Variants in LRP8 observed in about 807,000 individuals in gnomAD.
LRP8 encodes LDL receptor related protein 8, also known as low-density lipoprotein receptor-related protein 8.
In LRP8, 46 loss-of-function variants were observed where a neutral mutation model predicts 111.6. The ratio of observed to expected loss-of-function variants is 0.41; its 90% CI spans 0.33 to 0.53. The LOEUF (loss-of-function observed/expected upper bound fraction) is 0.53. Among genes scored for constraint, LRP8 ranks in the 20% least tolerant of loss-of-function variants. LRP8 has a pLI of 0.20. For synonymous variants in LRP8, 464 were observed against 511.2 expected (o/e 0.91, Z 1.24); for missense variants, 959 against 1,297.4 (o/e 0.74, Z 4.01).
chr1:53,324,776 G>A (rs1474187430), intron 2 of LRP8, among the ~76,000 whole-genome samples: 1 of 152,106 alleles, frequency 6.6e-6, no homozygotes, highest in Non-Finnish European at 1.5e-5. Context: ...AACGCACCAG[G>A]CCTAACATTT....
chr1:53,324,173 C>T (rs1320353906), intron 2 of LRP8, among the ~76,000 whole-genome samples: 1 of 152,200 alleles, frequency 6.6e-6, no homozygotes, highest in Non-Finnish European at 1.5e-5. Context: ...GTTATCCCAG[C>T]ACCTATCACC....
intron 2 of LRP8, among the ~76,000 whole-genome samples, chr1:53,292,365 G>A (rs1362084456): frequency 6.6e-6 from 1 of 152,184 alleles, no homozygotes; most frequent in Non-Finnish European, 1.5e-5. Context: ...AAAGGGGCTG[G>A]CTGAGGGAAA....
At chr1:53,248,417 A>C (rs1645792658) in intron 18 of LRP8, among the ~76,000 whole-genome samples, 1 of 152,192 alleles carries the variant, frequency 6.6e-6, no homozygotes, top group South Asian at 2.1e-4. Context: ...CAGAGGAGAG[A>C]CAGGTTGTTG....
chr1:53,316,676 G>C (rs1343223095), intron 2 of LRP8, among the ~76,000 whole-genome samples: 1 of 152,248 alleles, frequency 6.6e-6, no homozygotes, highest in Non-Finnish European at 1.5e-5. Context: ...CACAGAATGG[G>C]ATTGAGAGGG....
intron 2 of LRP8, among the ~76,000 whole-genome samples, chr1:53,326,275 C>A (rs1015539410): frequency 9.2e-5 from 14 of 152,248 alleles, no homozygotes; most frequent in Non-Finnish European, 1.8e-4. Context: ...GGGGGTGTGG[C>A]CGGGGCGGGG....
Position 53,271,157 on chromosome 1 carries a change from T to C in LRP8, c.1127-4A>G, listed in dbSNP as rs769632423. The C allele has an allele frequency of 4.1e-5, 66 of 1,613,642 alleles. No homozygotes were observed. The highest frequency in any genetic ancestry group is 5.5e-5 in the Non-Finnish European group (65 of 1,179,958). On this transcript the variant is annotated splice_region_variant and splice_polypyrimidine_tract_variant and intron_variant, in intron 7 of 18. Transcript: ENST00000306052. ...GGGTCCTTGCACTCATCAATGTCTG[T>C]GGGGAGGAGCAGGAGTCAGAACCAG...
chr1:53,295,008 G>T (rs1388218626), intron 2 of LRP8, among the ~76,000 whole-genome samples: 4 of 152,188 alleles, frequency 2.6e-5, no homozygotes, highest in Non-Finnish European at 5.9e-5. Flanking sequence ...GGCCCCCTAC[G>T]TGGGTCTCCC....
At chr1:53,281,079 T>G (rs188780308) in intron 3 of LRP8, among the ~76,000 whole-genome samples, 90 of 152,296 alleles carry the variant, frequency 5.9e-4, no homozygotes, top group African/African-American at 2.1e-3. Flanking sequence ...TCTCTGCCAT[T>G]TCCCAGCTGT....
chr1:53,260,894 A>G (rs1646309737), intron 12 of LRP8, among the ~76,000 whole-genome samples: 1 of 152,174 alleles, frequency 6.6e-6, no homozygotes, highest in Non-Finnish European at 1.5e-5. Flanking sequence ...CAGAAACCCA[A>G]GGTTAAATCT....
intron 8 of LRP8, among the ~76,000 whole-genome samples, chr1:53,269,372 G>A (rs74421537): frequency 1.7e-3 from 253 of 152,036 alleles, no homozygotes; most frequent in African/African-American, 5.8e-3. Context: ...CTGGAGTGCA[G>A]TGGCATCATA....
rs769634246 is a variant in LRP8 at position 53,249,847 on chromosome 1, T to C, written c.2677-291A>G. On this transcript the variant is annotated intron_variant, in intron 17 of 18. Transcript: ENST00000306052. The surrounding 1 kb of genome is among the most constrained non-coding windows in gnomAD (Gnocchi z 4.1). Reference sequence around the variant, plus strand: ...ACAGAATTAATAGCTCCCTTGTTGATGTTTCCATGGCATCTGTTCAACAAA... The same window carrying C: ...ACAGAATTAATAGCTCCCTTGTTGACGTTTCCATGGCATCTGTTCAACAAA... Among the ~76,000 whole-genome samples the C allele has an allele frequency of 2.0e-5, 3 of 152,228 alleles. No homozygotes were observed. Among genetic ancestry groups the C allele is most frequent in the Non-Finnish European group, 2.9e-5 (2 of 68,034 alleles).
At position 53,246,817 on chromosome 1, in the gene LRP8, A is replaced by G. The variant is rs1645740484; in HGVS notation, c.*201T>C. The G allele has an allele frequency of 1.7e-6, 1 of 572,378 alleles. No individual in the cohort carries two copies. Among genetic ancestry groups the G allele is most frequent in the Non-Finnish European group, 3.0e-6 (1 of 328,820 alleles). 35.5% of individuals were successfully genotyped at this position (572,378 alleles called of 1,614,324 possible). A position where few individuals can be genotyped will look rare whatever the true frequency, so the allele number is the denominator to read the frequency against. On this transcript the variant is annotated 3_prime_UTR_variant, in exon 19 of 19. Coordinates refer to ENST00000306052, the MANE Select transcript of LRP8 (RefSeq NM_004631.5). ...GTGTATAAAACATTATACATAGAAA[A>G]ACTCTCACATCCTTTGGATGTTTGC... is the stretch of plus-strand genomic sequence containing the variant.
chr1:53,269,222 G>T (rs530369553), intron 8 of LRP8, among the ~76,000 whole-genome samples: 6 of 152,098 alleles, frequency 3.9e-5, no homozygotes, highest in Non-Finnish European at 7.4e-5. Context: ...GGGCTTTTGC[G>T]GTTTCTGTCT....
chr1:53,257,448 T>A lies in LRP8; in HGVS notation c.2226A>T (p.Ser742=). Reference sequence around the variant, plus strand: ...TCATGGTAGAAGCTAACGTCGTAGTTGAGGTAGATTGAGGTGCTGGAGGGG... The same window carrying A: ...TCATGGTAGAAGCTAACGTCGTAGTAGAGGTAGATTGAGGTGCTGGAGGGG... ...KRCYRAPQST[S]TTTLASTMTR... Residue 742 remains serine (S), a synonymous_variant, in exon 15 of 19, where the codon TCA becomes TCT. Coordinates refer to ENST00000306052, the MANE Select transcript of LRP8 (RefSeq NM_004631.5). 6.2e-7 allele frequency: 1 copy of A among 1,613,974 alleles called. No homozygotes were observed. Among genetic ancestry groups the A allele is most frequent in the Non-Finnish European group, 8.5e-7 (1 of 1,179,884 alleles).
intron 9 of LRP8, among the ~76,000 whole-genome samples, chr1:53,265,475 A>G (rs932218310): frequency 3.9e-5 from 6 of 152,150 alleles, no homozygotes; most frequent in Non-Finnish European, 7.4e-5. Flanking sequence ...CAGCACCACC[A>G]TTCATGAAAC....
rs1645819798 is a variant in LRP8, at chr1:53,249,242, A to G, written c.2853+138T>C. 2.3e-6 allele frequency: 2 copies of G among 879,414 alleles called. No homozygotes were observed. The highest frequency in any genetic ancestry group is 3.5e-5 in the South Asian group (2 of 56,488). 54.5% of individuals were successfully genotyped at this position (879,414 alleles called of 1,614,324 possible). A position where few individuals can be genotyped will look rare whatever the true frequency, so the allele number is the denominator to read the frequency against. On this transcript the variant is annotated intron_variant, in intron 18 of 18. Transcript: ENST00000306052. This position sits in a 1 kb window ranked among gnomAD's most constrained non-coding sequence, Gnocchi z 4.1. Reference sequence around the variant, plus strand: ...CCATTCATTGGTCTGTGACTAACCCATTTTTCTTCTTTGCCCCAACACCCA... The same window carrying G: ...CCATTCATTGGTCTGTGACTAACCCGTTTTTCTTCTTTGCCCCAACACCCA...
rs542737394 is a variant in LRP8, at chr1:53,262,194, C to T, written c.1788G>A (p.Gln596=). The T allele has an allele frequency of 4.7e-5, 76 of 1,613,420 alleles. 1 individual carries two copies. Among genetic ancestry groups the T allele is most frequent in the Non-Finnish European group, 5.8e-5 (68 of 1,179,982 alleles). Residue 596 remains glutamine (Q), a synonymous_variant, in exon 12 of 19, where the codon CAG becomes CAA. Coordinates refer to ENST00000306052, the MANE Select transcript of LRP8 (RefSeq NM_004631.5). This position sits in a 1 kb window ranked among gnomAD's most constrained non-coding sequence, Gnocchi z 4.8. ...PNGITLDLLS[Q]RLYWVDSKLH... Reference sequence around the variant, plus strand: ...GCTTGGAGTCTACCCAGTACAAGCGCTGGCTCAGCAGATCTTGGGAAGGAA... The same window carrying T: ...GCTTGGAGTCTACCCAGTACAAGCGTTGGCTCAGCAGATCTTGGGAAGGAA...
At position 53,279,297 on chromosome 1, in the gene LRP8, T is replaced by A. The variant is rs1028169075; in HGVS notation, c.496+1290A>T. ...TATAGCATAGAAGCCCAGTAAGACC[T>A]TCTGACACCTCTCTCTCCCATAATT... On this transcript the variant is annotated intron_variant, in intron 4 of 18. Transcript: ENST00000306052. The surrounding 1 kb of genome is among the most constrained non-coding windows in gnomAD (Gnocchi z 4.4). Among the ~76,000 whole-genome samples the A allele has an allele frequency of 2.6e-5, 4 of 152,164 alleles. No homozygotes were observed. Among genetic ancestry groups the A allele is most frequent in the Non-Finnish European group, 5.9e-5 (4 of 68,024 alleles).
intron 4 of LRP8, among the ~76,000 whole-genome samples, chr1:53,278,690 C>T (rs1647006844): frequency 6.6e-6 from 1 of 152,026 alleles, no homozygotes; most frequent in East Asian, 1.9e-4. Context: ...TGCCTGTCCC[C>T]ACCCAACTTG....
Sources: gnomAD v4.1 joint callset for allele counts (sites outside exome capture counted in the v4.1 genomes callset) on GRCh38, gnomAD v4.1.1 for gene constraint, Gnocchi (gnomAD v3.1) non-coding constraint, MANE v1.5 for transcripts, NCBI Gene and HGNC (gene_info 2026-07-23, HGNC 2026-07-21) for gene names.